Variants in MAJIN observed in about 807,000 individuals in gnomAD.
MAJIN encodes membrane anchored junction protein, also known as membrane-anchored junction protein.
MAJIN carries 27 observed loss-of-function variants against 30.2 expected under a neutral mutation model. The observed-to-expected ratio is 0.89, with a 90% CI of 0.66 to 1.23. The LOEUF is 1.23. Among genes scored for constraint, MAJIN ranks in the 50% most tolerant of loss-of-function variants. The pLI is 0.00. For synonymous variants in MAJIN, 78 were observed against 91.6 expected, an observed-to-expected ratio of 0.85 and a Z score of 0.85; for missense variants, 253 against 260.3, an observed-to-expected ratio of 0.97 and a Z score of 0.19.
chr11:64,949,867 A>G lies in MAJIN; in HGVS notation c.225T>C (p.Tyr75=). Residue 75 remains tyrosine, a splice_region_variant and synonymous_variant, in exon 6 of 11, where the codon TAT becomes TAC. Transcript: ENST00000301896. ...FATEHFIVFP[Y]KSKWERVSHL... is the part of the protein sequence containing the mutation. Reference sequence around the variant, plus strand: ...GGGAAACTCTCTCCCATTTGCTTTTATCTGGAAAATGGTGCTAAGGAGTAA... The same window carrying G: ...GGGAAACTCTCTCCCATTTGCTTTTGTCTGGAAAATGGTGCTAAGGAGTAA... 2.5e-6 allele frequency: 4 copies of G among 1,603,080 alleles called. No homozygotes were observed. The highest frequency in any genetic ancestry group is 3.4e-6 in the Non-Finnish European group (4 of 1,179,862).
chr11:64,967,137 G>C (rs2136828183), intron 1 of MAJIN, among the ~76,000 whole-genome samples: 1 of 151,880 alleles, frequency 6.6e-6, no homozygotes, highest in African/African-American at 2.4e-5. Context: ...GCCAGGTGCT[G>C]TGGCTCATAC....
chr11:64,943,960 A>C (rs1945413307), intron 8 of MAJIN, among the ~76,000 whole-genome samples: 1 of 152,254 alleles, frequency 6.6e-6, no homozygotes, highest in African/African-American at 2.4e-5. Context: ...TCAGTGGGCC[A>C]GCTGGCCACA....
In MAJIN at chr11:64,946,120, G is replaced by A. The variant is rs1399757843; in HGVS notation, c.473+1254C>T. ...TGGTTTCCACAGGGGGCTTCTTTTT[G>A]CTGGGGCCTTGGCTGGAAGTCCCTA... On this transcript the variant is annotated intron_variant, in intron 8 of 10. Coordinates refer to ENST00000301896, the MANE Select transcript of MAJIN (RefSeq NM_001037225.3). The A allele has an allele frequency of 2.0e-6, 3 of 1,535,024 alleles. No homozygotes were observed. The East Asian group carries it at 7.3e-5, about 38-fold the overall frequency.
chr11:64,955,786 G>C (rs549927088), intron 3 of MAJIN, among the ~76,000 whole-genome samples: 78 of 152,294 alleles, frequency 5.1e-4, no homozygotes, highest in South Asian at 1.2e-3. Flanking sequence ...ACTGTATAAT[G>C]AAATGTATCA....
intron 8 of MAJIN, among the ~76,000 whole-genome samples, chr11:64,947,146 C>T (rs1167663676): frequency 6.6e-6 from 1 of 152,150 alleles, no homozygotes; most frequent in Non-Finnish European, 1.5e-5. Flanking sequence ...TCTTCTTAGC[C>T]TTCATCTTGA....
intron 9 of MAJIN, chr11:64,939,977 G>C: frequency 4.4e-6 from 2 of 458,458 alleles, no homozygotes; most frequent in Non-Finnish European, 7.9e-6. Flanking sequence ...TCAAGCTCCT[G>C]GGATATTTAC....
chr11:64,948,848 T>G (rs1279828067), intron 6 of MAJIN, among the ~76,000 whole-genome samples: 1 of 146,486 alleles, frequency 6.8e-6, no homozygotes, highest in Admixed American at 6.9e-5. Flanking sequence ...GAAATGGGGT[T>G]TCACCACGTT....
chr11:64,970,368 T>C (rs1218449019), intron 1 of MAJIN, among the ~76,000 whole-genome samples: 1 of 127,516 alleles, frequency 7.8e-6, no homozygotes, highest in African/African-American at 3.0e-5. Flanking sequence ...CGTCTTTTTT[T>C]TTTTTTTTTT....
chr11:64,959,234 G>T, intron 3 of MAJIN, 71 bp downstream of exon 3: 2 of 1,242,674 alleles, frequency 1.6e-6, no homozygotes. Flanking sequence ...AGGTAAAGAA[G>T]AGGTGACCTG....
intron 3 of MAJIN, among the ~76,000 whole-genome samples, chr11:64,955,748 G>A (rs1027848068): frequency 6.6e-6 from 1 of 152,226 alleles, no homozygotes; most frequent in African/African-American, 2.4e-5. Flanking sequence ...TTTTAAGACT[G>A]TGGTGATATT....
chr11:64,967,574 G>C (rs1381062358), intron 1 of MAJIN, among the ~76,000 whole-genome samples: 1 of 152,154 alleles, frequency 6.6e-6, no homozygotes, highest in Non-Finnish European at 1.5e-5. Flanking sequence ...GGTGGGTCTG[G>C]GGTGGGTAGA....
intron 4 of MAJIN, among the ~76,000 whole-genome samples, chr11:64,952,028 T>C (rs1382141486): frequency 6.6e-6 from 1 of 151,874 alleles, no homozygotes; most frequent in African/African-American, 2.4e-5. Flanking sequence ...GCTAGGATTA[T>C]AGGCACACAC....
intron 1 of MAJIN, among the ~76,000 whole-genome samples, chr11:64,971,061 G>T (rs966309282): frequency 2.0e-5 from 3 of 152,082 alleles, no homozygotes; most frequent in African/African-American, 7.2e-5. Flanking sequence ...TTGGGATGCC[G>T]AGGCGGGTGG....
At position 64,956,770 on chromosome 11, in the gene MAJIN, T is replaced by G. The variant is rs558610083; in HGVS notation, c.102-1968A>C. Among the ~76,000 whole-genome samples the G allele has an allele frequency of 4.5e-3, 656 of 147,154 alleles. 6 individuals carry two copies. The highest frequency in any genetic ancestry group is 0.016 in the African/African-American group (627 of 39,956). On this transcript the variant is annotated intron_variant, in intron 3 of 10. Coordinates refer to ENST00000301896, the MANE Select transcript of MAJIN (RefSeq NM_001037225.3). The stretch of plus-strand genomic sequence containing the variant: ...TACAAATACATATAAGCTGTTTTTT[T>G]TTTTTTTTTTTTTGAGATGTTGTTT...
chr11:64,945,988 C>T, intron 8 of MAJIN: 1 of 1,194,514 alleles, frequency 8.4e-7, no homozygotes, highest in Non-Finnish European at 1.1e-6. Context: ...CACGAAAAAC[C>T]AAGATGTGCT....
intron 4 of MAJIN, 89 bp downstream of exon 4, chr11:64,954,668 G>A: frequency 7.7e-7 from 1 of 1,302,344 alleles, no homozygotes; most frequent in Non-Finnish European, 1.1e-6. Context: ...TGGAGGTTGT[G>A]ACTCAGTTTG....
intron 8 of MAJIN, among the ~76,000 whole-genome samples, chr11:64,943,675 T>C (rs1267484474): frequency 1.3e-5 from 2 of 152,098 alleles, no homozygotes; most frequent in African/African-American, 4.8e-5. Context: ...TTACTAGAGT[T>C]TTTTCTAAAG....
intron 6 of MAJIN, 136 bp from the exon 7 acceptor site, chr11:64,947,955 G>A (rs1945477376): frequency 1.3e-6 from 1 of 746,976 alleles, no homozygotes; most frequent in African/African-American, 1.8e-5. Context: ...CGCCTCTTGA[G>A]TTCAAGCGAT....
chr11:64,948,170 GCTA>G (rs1234079872), intron 6 of MAJIN, among the ~76,000 whole-genome samples: 1 of 151,858 alleles, frequency 6.6e-6, no homozygotes, highest in Non-Finnish European at 1.5e-5. Flanking sequence ...TGGACTTCTG[GCTA>G]CTATTTATTT....
Sources: gnomAD v4.1 joint callset for allele counts (sites outside exome capture counted in the v4.1 genomes callset) on GRCh38, gnomAD v4.1.1 for gene constraint, MANE v1.5 for transcripts, NCBI Gene and HGNC (gene_info 2026-07-23, HGNC 2026-07-21) for gene names.